MED30: variants seen among roughly 807,000 people sequenced by gnomAD.
MED30 encodes the protein mediator of RNA polymerase II transcription subunit 30.
Under a neutral mutation model 21.7 loss-of-function variants are expected in MED30, and 8 were observed. That is an observed-to-expected ratio of 0.37 (90% CI 0.22 to 0.67). The LOEUF is 0.67. Ranked by LOEUF, MED30 falls within the 30% of genes least tolerant of loss-of-function variation. The pLI is 0.58. For synonymous variants in MED30, 79 were observed against 86.7 expected (o/e 0.91, Z 0.49); for missense variants, 203 against 228.2 (o/e 0.89, Z 0.71).
intron 3 of MED30, among the ~76,000 whole-genome samples, chr8:117,537,607 TTTAG>T (rs1378746332): frequency 6.6e-6 from 1 of 151,910 alleles, no homozygotes; most frequent in Non-Finnish European, 1.5e-5. Context: ...CCCTACAAAT[TTTAG>T]TTGTTACTTT....
intron 1 of MED30, among the ~76,000 whole-genome samples, chr8:117,522,506 A>G (rs998876996): frequency 6.6e-5 from 10 of 152,188 alleles, no homozygotes; most frequent in Non-Finnish European, 1.5e-5. Flanking sequence ...TTTACAGATG[A>G]AGATTCTGTA....
chr8:117,527,849 A>G (rs993455965), intron 1 of MED30, among the ~76,000 whole-genome samples: 3 of 151,874 alleles, frequency 2.0e-5, no homozygotes, highest in African/African-American at 7.2e-5. Context: ...TGGGAATAAA[A>G]TATTGTACAG....
At chr8:117,526,622 C>T (rs1192285424) in intron 1 of MED30, among the ~76,000 whole-genome samples, 3 of 151,914 alleles carry the variant, frequency 2.0e-5, no homozygotes, top group Non-Finnish European at 4.4e-5. Flanking sequence ...ACAGCTACAC[C>T]GTGGTATATA....
intron 2 of MED30, among the ~76,000 whole-genome samples, chr8:117,529,854 G>C (rs554775279): frequency 6.6e-6 from 1 of 151,940 alleles, no homozygotes; most frequent in African/African-American, 2.4e-5. Flanking sequence ...CACAGGAATG[G>C]AGACTAATCG....
At chr8:117,535,724 T>C (rs1818869172) in intron 3 of MED30, among the ~76,000 whole-genome samples, 1 of 152,176 alleles carries the variant, frequency 6.6e-6, no homozygotes, top group African/African-American at 2.4e-5. Context: ...TCTCTGTCAA[T>C]TATGTTAATC....
chr8:117,531,981 T>C (rs1818798432), intron 3 of MED30, among the ~76,000 whole-genome samples: 1 of 151,994 alleles, frequency 6.6e-6, no homozygotes, highest in African/African-American at 2.4e-5. Flanking sequence ...GATACCATGC[T>C]CTTACAATGC....
intron 3 of MED30, among the ~76,000 whole-genome samples, chr8:117,532,479 C>T (rs1050259704): frequency 4.6e-5 from 7 of 151,882 alleles, no homozygotes; most frequent in Non-Finnish European, 8.8e-5. Context: ...GAAAAACAGC[C>T]TTCTTATTGT....
chr8:117,524,882 A>G (rs1387886633), intron 1 of MED30, among the ~76,000 whole-genome samples: 1 of 152,094 alleles, frequency 6.6e-6, no homozygotes, highest in Non-Finnish European at 1.5e-5. Flanking sequence ...TTCAGTTGAT[A>G]TATTTTGGAA....
intron 1 of MED30, among the ~76,000 whole-genome samples, chr8:117,526,120 G>A (rs72672133): frequency 1.0e-3 from 158 of 151,898 alleles, no homozygotes; most frequent in Admixed American, 2.6e-3. Flanking sequence ...CATTGTAAAT[G>A]GGGTCTTCTT....
intron 3 of MED30, among the ~76,000 whole-genome samples, 165 bp from the exon 4 acceptor site, chr8:117,539,718 G>A (rs1818946419): frequency 6.6e-6 from 1 of 152,212 alleles, no homozygotes; most frequent in South Asian, 2.1e-4. Flanking sequence ...ATCCCTGTCA[G>A]CAAATATTTA....
chr8:117,523,677 G>A, intron 1 of MED30: 2 of 1,588,866 alleles, frequency 1.3e-6, no homozygotes, highest in Non-Finnish European at 1.7e-6. Context: ...GCTTAGGCAT[G>A]TGGAATCCTC....
chr8:117,522,993 C>G (rs1818654126), intron 1 of MED30, among the ~76,000 whole-genome samples: 1 of 152,048 alleles, frequency 6.6e-6, no homozygotes, highest in African/African-American at 2.4e-5. Flanking sequence ...GAAACTGAGG[C>G]TTAATGAGAG....
chr8:117,528,507 T>TA, intron 1 of MED30, 144 bp from the exon 2 acceptor site: 1 of 562,648 alleles, frequency 1.8e-6, no homozygotes, highest in East Asian at 3.2e-5. Flanking sequence ...CTTAAATTCT[T>TA]AAAATTAAAC....
intron 3 of MED30, among the ~76,000 whole-genome samples, chr8:117,537,542 TATTA>T (rs1179799756): frequency 5.9e-5 from 9 of 152,114 alleles, no homozygotes; most frequent in South Asian, 2.1e-4. Context: ...CCTTATAATA[TATTA>T]ATTATTTAAA....
chr8:117,521,153 C>A, intron 1 of MED30, 100 bp downstream of exon 1: 1 of 1,149,968 alleles, frequency 8.7e-7, no homozygotes, highest in Non-Finnish European at 1.2e-6. Flanking sequence ...TCGGGGCTGC[C>A]CTGGGCAAAC....
rs745587572 is a variant in MED30, at chr8:117,520,836, C to G, written c.-41C>G. Reference sequence around the variant, plus strand: ...CCAATTCCGGGCAGACCCCTGACACCTGCTGTCTGGCCCCTTCCGGCCTGA... The same window carrying G: ...CCAATTCCGGGCAGACCCCTGACACGTGCTGTCTGGCCCCTTCCGGCCTGA... On this transcript the variant is annotated 5_prime_UTR_variant, in exon 1 of 4. Transcript: ENST00000297347. 6.6e-6 allele frequency: 10 copies of G among 1,523,944 alleles called. No homozygotes were observed. Among genetic ancestry groups the G allele is most frequent in the Middle Eastern group, 2.3e-4 (1 of 4,262 alleles). The allele number at this position is 1,523,944 out of a possible 1,614,324, so 94.4% of individuals were successfully genotyped here.
In MED30 at chr8:117,530,450, T is replaced by C. The variant is rs1470311626; in HGVS notation, c.337-273T>C. 16 of 232,094 alleles carry C rather than the reference T, an allele frequency of 6.9e-5. No individual in the cohort carries two copies. In the Admixed American group the frequency reaches 8.9e-4, roughly 13 times the overall value. 14.4% of individuals were successfully genotyped at this position (232,094 alleles called of 1,614,324 possible). A position where few individuals can be genotyped will look rare whatever the true frequency, so the allele number is the denominator to read the frequency against. On this transcript the variant is annotated intron_variant, in intron 2 of 3. Transcript: ENST00000297347. Reference sequence around the variant, plus strand: ...ATTTTATTTTATTTTATTTTTTACTTCTCCCATCTTCCTGCTGGAAGTATT... The same window carrying C: ...ATTTTATTTTATTTTATTTTTTACTCCTCCCATCTTCCTGCTGGAAGTATT...
intron 3 of MED30, among the ~76,000 whole-genome samples, chr8:117,539,316 C>CCTCT (rs1237241834): frequency 6.6e-6 from 1 of 152,102 alleles, no homozygotes; most frequent in East Asian, 1.9e-4. Context: ...GGCAAAACCT[C>CCTCT]CTCTCTACTA....
intron 2 of MED30, among the ~76,000 whole-genome samples, chr8:117,529,702 C>T (rs1233634646): frequency 6.6e-6 from 1 of 151,628 alleles, no homozygotes. Flanking sequence ...GAGATGGAAT[C>T]GAAGGTTTGC....
Sources: allele counts gnomAD v4.1 joint callset (sites outside exome capture counted in the v4.1 genomes callset), GRCh38; gene constraint gnomAD v4.1.1; transcripts MANE v1.5; gene names NCBI Gene and HGNC (gene_info 2026-07-23, HGNC 2026-07-21).